Variants in PLCL2 observed in about 807,000 individuals in gnomAD.
PLCL2 encodes the protein phospholipase C like 2.
A neutral mutation model predicts 79.6 loss-of-function variants in PLCL2; 4 were observed. The observed-to-expected ratio is 0.05, with a 90% confidence interval of 0.02 to 0.11. The LOEUF is 0.11. Among genes scored for constraint, PLCL2 ranks in the 10% least tolerant of loss-of-function variants. PLCL2 has a pLI of 1.00. For synonymous variants in PLCL2, 484 were observed against 457.7 expected (o/e 1.06, Z -0.73); for missense variants, 895 against 1,291.0 (o/e 0.69, Z 4.70).
intron 1 of PLCL2, among the ~76,000 whole-genome samples, chr3:16,964,816 T>G (rs1468657363): frequency 6.6e-6 from 1 of 152,206 alleles, no homozygotes; most frequent in Admixed American, 6.5e-5. Flanking sequence ...CATAAATGTC[T>G]TCTTTTGAGA....
In PLCL2 at chr3:17,014,713, G is replaced by T; in HGVS notation, c.2820G>T (p.Ala940=). 5 of 1,611,448 alleles carry T rather than the reference G, an allele frequency of 3.1e-6. No homozygotes were observed. The highest frequency in any genetic ancestry group is 4.2e-6 in the Non-Finnish European group (5 of 1,177,650). ...CCTTTCATTCCATTTAACAGAATGC[G>T]GTGGTGTCATTCAAGGAGCTGTGTG... ...ATDLRENMQN[A]VVSFKELCGL... is the part of the protein sequence containing the mutation. Residue 940 remains alanine (A), a synonymous_variant, in exon 3 of 6, where the codon GCG becomes GCT. Transcript: ENST00000615277.
At chr3:17,063,364 C>G (rs1434297851) in intron 4 of PLCL2, among the ~76,000 whole-genome samples, 1 of 138,118 alleles carries the variant, frequency 7.2e-6, no homozygotes, top group East Asian at 2.2e-4. Context: ...TTCTGATATA[C>G]CCCTCTAATA....
At chr3:17,039,712 C>T (rs1373182490) in intron 3 of PLCL2, among the ~76,000 whole-genome samples, 1 of 152,140 alleles carries the variant, frequency 6.6e-6, no homozygotes, top group Admixed American at 6.5e-5. Context: ...TAGGCTGGTT[C>T]CTTCTGGAAT....
intron 3 of PLCL2, among the ~76,000 whole-genome samples, chr3:17,033,888 A>C (rs1014621125): frequency 1.3e-5 from 2 of 152,112 alleles, no homozygotes; most frequent in African/African-American, 4.8e-5. Context: ...TTTATGTGTC[A>C]CTGCAAAATT....
intron 5 of PLCL2, among the ~76,000 whole-genome samples, chr3:17,070,224 C>G (rs932620666): frequency 5.3e-5 from 8 of 152,148 alleles, no homozygotes; most frequent in Non-Finnish European, 1.2e-4. Flanking sequence ...TCAGAACCTG[C>G]ATTTTTACAA....
intron 4 of PLCL2, among the ~76,000 whole-genome samples, chr3:17,051,176 G>T (rs1467930831): frequency 6.6e-6 from 1 of 151,884 alleles, no homozygotes; most frequent in Non-Finnish European, 1.5e-5. Flanking sequence ...GGCGGGGGAG[G>T]TGGGGATGGT....
chr3:17,072,511 A>C (rs2065069390), intron 5 of PLCL2, among the ~76,000 whole-genome samples: 1 of 152,032 alleles, frequency 6.6e-6, no homozygotes, highest in Non-Finnish European at 1.5e-5. Context: ...TCTACTGAAA[A>C]TACAAAAATT....
intron 1 of PLCL2, among the ~76,000 whole-genome samples, chr3:16,999,842 CCT>C (rs537386951): frequency 9.4e-4 from 143 of 152,130 alleles, no homozygotes; most frequent in African/African-American, 3.2e-3. Flanking sequence ...TCATTTCTTC[CCT>C]GTTTCCCAGA....
intron 1 of PLCL2, among the ~76,000 whole-genome samples, chr3:16,937,732 T>C (rs1559491486): frequency 6.6e-6 from 1 of 152,236 alleles, no homozygotes; most frequent in African/African-American, 2.4e-5. Context: ...AAATTAGTGG[T>C]GTGTGTTTTC....
chr3:17,087,642 T>G (rs1056244515), intron 5 of PLCL2, among the ~76,000 whole-genome samples: 1 of 152,134 alleles, frequency 6.6e-6, no homozygotes, highest in Non-Finnish European at 1.5e-5. Context: ...AGCCCTAATT[T>G]AGGCAATAGA....
At chr3:16,920,281 A>C (rs1575529295) in intron 1 of PLCL2, among the ~76,000 whole-genome samples, 1 of 152,212 alleles carries the variant, frequency 6.6e-6, no homozygotes, top group East Asian at 1.9e-4. Context: ...TACTGATTTG[A>C]GTGGCTTTAG....
chr3:16,943,290 C>G (rs762080610), intron 1 of PLCL2, among the ~76,000 whole-genome samples: 2 of 152,138 alleles, frequency 1.3e-5, no homozygotes, highest in Non-Finnish European at 2.9e-5. Flanking sequence ...GAACAATTAT[C>G]CTCTGTACTA....
intron 1 of PLCL2, among the ~76,000 whole-genome samples, chr3:16,985,839 G>A (rs2064044505): frequency 6.6e-6 from 1 of 152,144 alleles, no homozygotes; most frequent in Non-Finnish European, 1.5e-5. Context: ...GCTGCTGAGG[G>A]CTAGGCAAAA....
At chr3:16,888,733 T>A (rs1199834585) in intron 1 of PLCL2, among the ~76,000 whole-genome samples, 1 of 152,254 alleles carries the variant, frequency 6.6e-6, no homozygotes, top group Non-Finnish European at 1.5e-5. Flanking sequence ...AAGAGCCTGG[T>A]CTAAAAATAT....
intron 1 of PLCL2, among the ~76,000 whole-genome samples, chr3:16,942,534 C>T (rs367910029): frequency 1.8e-4 from 27 of 152,146 alleles, no homozygotes; most frequent in African/African-American, 4.8e-4. Context: ...GCAGGAGATG[C>T]GGGATGCTCC....
chr3:17,056,416 A>G (rs559760778), intron 4 of PLCL2, among the ~76,000 whole-genome samples: 174 of 152,246 alleles, frequency 1.1e-3, no homozygotes, highest in African/African-American at 3.7e-3. Flanking sequence ...CTCAAATTCT[A>G]TGGTCTACAA....
chr3:16,982,235 C>T (rs1249722410), intron 1 of PLCL2, among the ~76,000 whole-genome samples: 2 of 152,266 alleles, frequency 1.3e-5, no homozygotes, highest in East Asian at 3.9e-4. Flanking sequence ...TAAGACCTGT[C>T]CTGTATTAGT....
intron 1 of PLCL2, among the ~76,000 whole-genome samples, chr3:16,959,329 C>A (rs1053604090): frequency 1.3e-5 from 2 of 152,146 alleles, no homozygotes; most frequent in African/African-American, 4.8e-5. Context: ...ATTTACTGAA[C>A]AACTTTCTTT....
intron 3 of PLCL2, among the ~76,000 whole-genome samples, chr3:17,040,254 C>G (rs189160338): frequency 6.6e-6 from 1 of 152,242 alleles, no homozygotes. Context: ...CCAAGTGTTA[C>G]AGAGTTTAGG....
Sources: gnomAD v4.1 joint callset for allele counts (sites outside exome capture counted in the v4.1 genomes callset) on GRCh38, gnomAD v4.1.1 for gene constraint, MANE v1.5 for transcripts, NCBI Gene and HGNC (gene_info 2026-07-23, HGNC 2026-07-21) for gene names.